ABCB5: variants seen among roughly 807,000 people sequenced by gnomAD.
The protein encoded by ABCB5 is ATP-binding cassette sub-family B member 5.
In ABCB5, 155 loss-of-function variants were observed where a neutral mutation model predicts 144.2. The ratio of observed to expected loss-of-function variants is 1.08; its 90% CI spans 0.94 to 1.23. ABCB5 has a LOEUF of 1.23. ABCB5 is among the 50% of genes most tolerant of loss of function. The pLI, the probability that ABCB5 is intolerant of heterozygous loss-of-function variation, is 0.00. For synonymous variants in ABCB5, 610 were observed against 528.6 expected (o/e 1.15, Z -2.11); for missense variants, 1,830 against 1,520.8 (o/e 1.20, Z -3.38).
intron 20 of ABCB5, among the ~76,000 whole-genome samples, chr7:20,716,458 T>C (rs760968778): frequency 5.3e-5 from 8 of 152,192 alleles, no homozygotes; most frequent in Admixed American, 1.3e-4. Flanking sequence ...TAGGAGCATT[T>C]AGTATTTTTT....
intron 22 of ABCB5, among the ~76,000 whole-genome samples, chr7:20,727,451 C>T (rs868827845): frequency 2.0e-5 from 3 of 152,072 alleles, no homozygotes; most frequent in South Asian, 4.1e-4. Context: ...AATAAAATTG[C>T]GGGCAGGGCG....
intron 26 of ABCB5, 142 bp from the exon 27 acceptor site, chr7:20,753,218 C>T: frequency 2.0e-6 from 2 of 1,020,092 alleles, no homozygotes; most frequent in Non-Finnish European, 2.8e-6. Flanking sequence ...CAACAAAGCC[C>T]AAGAATAGAT....
chr7:20,663,186 C>G (rs1180412593), intron 14 of ABCB5, among the ~76,000 whole-genome samples: 1 of 152,162 alleles, frequency 6.6e-6, no homozygotes, highest in East Asian at 1.9e-4. Flanking sequence ...AAAACCGATT[C>G]CAGATCAGGC....
chr7:20,700,181 GTAAAACATTC>G, intron 19 of ABCB5, 46 bp downstream of exon 19: 1 of 1,443,332 alleles, frequency 6.9e-7, no homozygotes, highest in African/African-American at 1.4e-5. Context: ...AAAATTTATT[GTAAAACATTC>G]TAGCTTTAAT....
chr7:20,683,610 G>A (rs550068253), intron 15 of ABCB5, among the ~76,000 whole-genome samples: 20 of 152,200 alleles, frequency 1.3e-4, no homozygotes, highest in African/African-American at 4.6e-4. Flanking sequence ...GTGTTTGTGG[G>A]ATGAGTGTGT....
chr7:20,620,847 G>C (rs1236496954), intron 1 of ABCB5, among the ~76,000 whole-genome samples: 1 of 152,028 alleles, frequency 6.6e-6, no homozygotes, highest in Non-Finnish European at 1.5e-5. Context: ...TTCTCAAAAA[G>C]TTAAACATAG....
At chr7:20,617,403 CA>C (rs2128014990) in intron 1 of ABCB5, among the ~76,000 whole-genome samples, 1 of 152,268 alleles carries the variant, frequency 6.6e-6, no homozygotes, top group South Asian at 2.1e-4. Flanking sequence ...GGTCCTTTGA[CA>C]ATACTTTAAA....
rs567889536 is a variant in ABCB5, at chr7:20,678,343, T to C, written c.1708-3162T>C. Among the ~76,000 whole-genome samples the C allele has an allele frequency of 1.2e-3, 179 of 152,322 alleles. 1 individual carries two copies. Among genetic ancestry groups the C allele is most frequent in the Admixed American group, 2.0e-3 (30 of 15,310 alleles). ...AAATTATCACCTGCTTCATCAAGTT[T>C]ATCTATTGCAATGAAGAGACCTTGT... On this transcript the variant is annotated intron_variant, in intron 14 of 27. Transcript: ENST00000404938.
Position 20,685,684 on chromosome 7 carries a change from TCTTC to T in ABCB5, c.1870-9_1870-6del. 6.3e-7 allele frequency: 1 copy of T among 1,589,132 alleles called. No homozygotes were observed. Among genetic ancestry groups the T allele is most frequent in the Non-Finnish European group, 8.6e-7 (1 of 1,168,176 alleles). On this transcript the variant is annotated splice_polypyrimidine_tract_variant and splice_region_variant and intron_variant, in intron 15 of 27. Transcript: ENST00000404938. ...ATTCTTATAATGATAACCTATATAT[TCTTC>T]CTGTAAGGATATTAAAAAAGCTGAT...
intron 5 of ABCB5, among the ~76,000 whole-genome samples, chr7:20,642,567 T>A (rs951704817): frequency 3.3e-5 from 5 of 152,178 alleles, no homozygotes; most frequent in African/African-American, 4.8e-5. Flanking sequence ...CCTGCCAGAA[T>A]TGGAGGACTT....
chr7:20,683,927 A>G (rs1455649918), intron 15 of ABCB5, among the ~76,000 whole-genome samples: 4 of 10,616 alleles, frequency 3.8e-4, no homozygotes, highest in Non-Finnish European at 1.7e-4. Context: ...AATGTGGTTA[A>G]GATGATGAAC....
chr7:20,750,633 A>G (rs558120199), intron 26 of ABCB5, among the ~76,000 whole-genome samples: 1 of 152,184 alleles, frequency 6.6e-6, no homozygotes, highest in Non-Finnish European at 1.5e-5. Flanking sequence ...TTAAATATAG[A>G]TAACATATCG....
chr7:20,724,454 C>A (rs1000072924), intron 21 of ABCB5, among the ~76,000 whole-genome samples: 1 of 151,670 alleles, frequency 6.6e-6, no homozygotes, highest in Non-Finnish European at 1.5e-5. Flanking sequence ...ATAATGAAAC[C>A]CCATCTCTAC....
chr7:20,664,378 G>C (rs974060751), intron 14 of ABCB5, among the ~76,000 whole-genome samples: 1 of 152,152 alleles, frequency 6.6e-6, no homozygotes, highest in African/African-American at 2.4e-5. Context: ...TAAATAACTA[G>C]TAGAATTCTC....
intron 14 of ABCB5, among the ~76,000 whole-genome samples, chr7:20,676,254 T>C (rs1483422073): frequency 6.6e-6 from 1 of 151,970 alleles, no homozygotes; most frequent in African/African-American, 2.4e-5. Context: ...TTAATATATA[T>C]TCAAAAGAAC....
At chr7:20,652,429 G>C (rs572776916) in intron 13 of ABCB5, among the ~76,000 whole-genome samples, 2 of 152,174 alleles carry the variant, frequency 1.3e-5, no homozygotes, top group Non-Finnish European at 2.9e-5. Flanking sequence ...AATTAGCTGG[G>C]TGTGGTGGCG....
chr7:20,728,495 T>G, intron 23 of ABCB5, 40 bp downstream of exon 23: 1 of 1,602,112 alleles, frequency 6.2e-7, no homozygotes. Flanking sequence ...AGCTCACACC[T>G]GTAATTCCAA....
chr7:20,670,789 A>G (rs1361567156), intron 14 of ABCB5, among the ~76,000 whole-genome samples: 4 of 152,192 alleles, frequency 2.6e-5, no homozygotes, highest in Admixed American at 6.5e-5. Flanking sequence ...CATGCCTGTA[A>G]TCCCAGCTAC....
At chr7:20,713,955 G>A (rs1345400767) in intron 20 of ABCB5, among the ~76,000 whole-genome samples, 2 of 152,152 alleles carry the variant, frequency 1.3e-5, no homozygotes, top group Admixed American at 6.5e-5. Context: ...AGCTTTGTCT[G>A]CTCAACTCAG....
Sources: gnomAD v4.1 joint callset for allele counts (sites outside exome capture counted in the v4.1 genomes callset) on GRCh38, gnomAD v4.1.1 for gene constraint, MANE v1.5 for transcripts, NCBI Gene and HGNC (gene_info 2026-07-23, HGNC 2026-07-21) for gene names.